Variants in PTK7 observed in about 807,000 individuals in gnomAD.
PTK7 encodes inactive tyrosine-protein kinase 7.
In PTK7, 39 loss-of-function variants were observed where a neutral mutation model predicts 116.6. That is an observed-to-expected ratio of 0.33 (90% CI 0.26 to 0.44). The LOEUF is 0.44. Ranked by LOEUF, PTK7 falls within the 20% of genes least tolerant of loss-of-function variation. PTK7 has a pLI of 1.00. For missense variants in PTK7, 1,169 were observed against 1,425.6 expected, an observed-to-expected ratio of 0.82 and a Z score of 2.90; for synonymous variants, 546 against 563.6, an observed-to-expected ratio of 0.97 and a Z score of 0.44.
At chr6:43,133,039 C>A in intron 7 of PTK7, 1 of 439,048 alleles carries the variant, frequency 2.3e-6, no homozygotes. Flanking sequence ...GTCTCCTCAT[C>A]CATAAAATGG....
intron 7 of PTK7, 46 bp from the exon 8 acceptor site, chr6:43,138,803 G>A (rs1333180276): frequency 6.4e-7 from 1 of 1,551,530 alleles, no homozygotes; most frequent in Non-Finnish European, 8.7e-7. Context: ...CTTTAGTTTT[G>A]GAGACCTGTG....
chr6:43,127,039 G>A (rs1270235700), intron 1 of PTK7, among the ~76,000 whole-genome samples: 1 of 152,214 alleles, frequency 6.6e-6, no homozygotes, highest in Non-Finnish European at 1.5e-5. Context: ...TCCTGGAATT[G>A]TCTTGACACT....
intron 1 of PTK7, among the ~76,000 whole-genome samples, chr6:43,121,013 GAC>G (rs1291485379): frequency 6.6e-6 from 1 of 151,616 alleles, no homozygotes; most frequent in African/African-American, 2.4e-5. Context: ...TTCTGATGGT[GAC>G]CCCTGGCTGG....
intron 17 of PTK7, among the ~76,000 whole-genome samples, chr6:43,157,796 G>A (rs1342184727): frequency 2.0e-5 from 3 of 151,470 alleles, no homozygotes; most frequent in Non-Finnish European, 2.9e-5. Context: ...GCGCAATCTC[G>A]GCTCACCACA....
intron 1 of PTK7, among the ~76,000 whole-genome samples, chr6:43,119,302 C>T (rs1222212368): frequency 1.3e-5 from 2 of 152,026 alleles, no homozygotes; most frequent in Non-Finnish European, 2.9e-5. Context: ...GAAAAAGGCT[C>T]GTAAATTGGA....
rs1203800484 is a variant in PTK7 at position 43,145,982 on chromosome 6, C to G, written c.2640+550C>G. 6.6e-6 allele frequency: 1 copy of G among 152,522 alleles called. No individual in the cohort carries two copies. Among genetic ancestry groups the G allele is most frequent in the Non-Finnish European group, 1.5e-5 (1 of 68,418 alleles). The allele number at this position is 152,522 out of a possible 1,614,324, so 9.4% of individuals were successfully genotyped here. On this transcript the variant is annotated intron_variant, in intron 16 of 19. Transcript: ENST00000230419. The surrounding 1 kb of genome is among the most constrained non-coding windows in gnomAD (Gnocchi z 4.8). ...GTCCTCAAACTGCTGCTTCTCAAAT[C>G]CCTAGTTCTGGGGCAAGAGCGGGCA...
chr6:43,105,678 A>G (rs1346799200), intron 1 of PTK7, among the ~76,000 whole-genome samples: 1 of 152,184 alleles, frequency 6.6e-6, no homozygotes, highest in Non-Finnish European at 1.5e-5. Context: ...GCCCAGAGAC[A>G]GAAGTACACC....
Position 43,130,321 on chromosome 6 carries a change from C to A in PTK7, c.562C>A (p.Arg188=). The A allele has an allele frequency of 6.2e-7, 1 of 1,612,622 alleles. No homozygotes were observed. Among genetic ancestry groups the A allele is most frequent in the Non-Finnish European group, 8.5e-7 (1 of 1,179,170 alleles). ...CAGCAAGGAGCGGAACCTGACGCTC[C>A]GGCCAGCTGGTCCTGAGCATAGTGG... ...VSSKERNLTL[R]PAGPEHSGLY... The change falls in exon 4 of 20, where the codon CGG becomes AGG. Residue 188 remains arginine, a synonymous_variant. Coordinates refer to ENST00000230419, the MANE Select transcript of PTK7 (RefSeq NM_002821.5).
intron 1 of PTK7, among the ~76,000 whole-genome samples, chr6:43,100,335 A>G (rs1471544694): frequency 6.6e-6 from 1 of 151,604 alleles, no homozygotes; most frequent in Admixed American, 6.6e-5. Context: ...GTGAGCTGAG[A>G]TCACACCACT....
intron 17 of PTK7, among the ~76,000 whole-genome samples, chr6:43,150,821 A>G (rs1771028745): frequency 1.4e-5 from 1 of 71,478 alleles, no homozygotes; most frequent in African/African-American, 7.3e-5. Flanking sequence ...TTTTTTCCCG[A>G]GACAGAGTCT....
intron 1 of PTK7, among the ~76,000 whole-genome samples, chr6:43,096,802 T>C (rs961400143): frequency 2.6e-5 from 4 of 152,256 alleles, no homozygotes; most frequent in African/African-American, 7.2e-5. Flanking sequence ...TGAAACCGGC[T>C]GCACAAAGAC....
At position 43,138,856 on chromosome 6, in the gene PTK7, C is replaced by T; in HGVS notation, c.1236C>T (p.Pro412=). The change falls in exon 8 of 20, where the codon CCC becomes CCT. Residue 412 remains proline (P), a synonymous_variant. Coordinates refer to ENST00000230419, the MANE Select transcript of PTK7 (RefSeq NM_002821.5). ...TCCTTCCTGTCTGTCTAGCTGTGCCCTCCTGGCTGAAGAAGCCCCAAGACA... is the reference window on the plus strand; with the variant it reads ...TCCTTCCTGTCTGTCTAGCTGTGCCTTCCTGGCTGAAGAAGCCCCAAGACA... The part of the protein sequence containing the change: ...QDVNITVATV[P]SWLKKPQDSQ... 1.2e-6 allele frequency: 2 copies of T among 1,613,036 alleles called. No homozygotes were observed. Among genetic ancestry groups the T allele is most frequent in the Non-Finnish European group, 1.7e-6 (2 of 1,179,458 alleles).
chr6:43,139,264 A>C lies in PTK7; in HGVS notation c.1491A>C (p.Gln497His). 1 of 1,614,216 alleles carries C rather than the reference A, an allele frequency of 6.2e-7. No individual in the cohort carries two copies. Among genetic ancestry groups the C allele is most frequent in the Non-Finnish European group, 8.5e-7 (1 of 1,180,040 alleles). ...GCATCGAGGCGCAAGCCCGTGTCCA[A>C]GTGCTGGGTGAGCCAGCATGTCTTG... The part of the protein sequence containing the change: ...AGSIEAQARV[Q>H]VLEKLKFTPP... Residue 497 changes from glutamine (Q) to histidine (H), a missense_variant, in exon 9 of 20, where the codon CAA becomes CAC. Coordinates refer to ENST00000230419, the MANE Select transcript of PTK7 (RefSeq NM_002821.5). The surrounding 1 kb of genome is among the most constrained non-coding windows in gnomAD (Gnocchi z 4.6).
At chr6:43,136,471 G>A (rs566763260) in intron 7 of PTK7, among the ~76,000 whole-genome samples, 24 of 152,340 alleles carry the variant, frequency 1.6e-4, no homozygotes, top group African/African-American at 5.5e-4. Context: ...CACGTTTGCA[G>A]TCAGCTGATG....
rs200688419 is a variant in PTK7, at chr6:43,144,623, A to G, written c.2407+17A>G. On this transcript the variant is annotated intron_variant, in intron 15 of 19. Coordinates refer to ENST00000230419, the MANE Select transcript of PTK7 (RefSeq NM_002821.5). ...CCACGCTGGGTATGTTGCCTTGACTACAGCTGCCCCTGCCTAACTACAAGT... is the reference window on the plus strand; with the variant it reads ...CCACGCTGGGTATGTTGCCTTGACTGCAGCTGCCCCTGCCTAACTACAAGT... The G allele has an allele frequency of 1.3e-5, 21 of 1,595,570 alleles. No individual in the cohort carries two copies. In the African/African-American group the frequency reaches 2.1e-4, roughly 16 times the overall value.
intron 1 of PTK7, among the ~76,000 whole-genome samples, chr6:43,117,304 A>G (rs1187527123): frequency 6.6e-6 from 1 of 152,254 alleles, no homozygotes; most frequent in Non-Finnish European, 1.5e-5. Context: ...AGTAGGAAGC[A>G]GGTGAGAGAT....
At chr6:43,101,328 G>A (rs1196954278) in intron 1 of PTK7, among the ~76,000 whole-genome samples, 2 of 151,490 alleles carry the variant, frequency 1.3e-5, no homozygotes, top group African/African-American at 2.4e-5. Flanking sequence ...AGAGGCGGGC[G>A]GATCACAAGG....
Position 43,129,642 on chromosome 6 carries a change from C to A in PTK7, c.368-85C>A. The A allele has an allele frequency of 8.2e-7, 1 of 1,222,102 alleles. No individual in the cohort carries two copies. Among genetic ancestry groups the A allele is most frequent in the Non-Finnish European group, 1.2e-6 (1 of 831,314 alleles). The allele number at this position is 1,222,102 out of a possible 1,614,324, so 75.7% of individuals were successfully genotyped here. ...GTTGGCACAGAGCCTCGAGGTTCCA[C>A]GGCTTCCTGCTTGTCCTCCTTGCCC... On this transcript the variant is annotated intron_variant, in intron 2 of 19. Transcript: ENST00000230419. This position sits in a 1 kb window ranked among gnomAD's most constrained non-coding sequence, Gnocchi z 4.5.
intron 1 of PTK7, among the ~76,000 whole-genome samples, chr6:43,116,666 G>A (rs569569166): frequency 6.8e-5 from 10 of 147,704 alleles, no homozygotes; most frequent in Admixed American, 1.3e-4. Context: ...GCGCACGCAC[G>A]CACGCATATG....
Sources: allele counts gnomAD v4.1 joint callset (sites outside exome capture counted in the v4.1 genomes callset), GRCh38; gene constraint gnomAD v4.1.1; non-coding constraint Gnocchi (gnomAD v3.1); transcripts MANE v1.5; gene names NCBI Gene and HGNC (gene_info 2026-07-23, HGNC 2026-07-21).